Variants in NAGPA observed in about 807,000 individuals in gnomAD.
The protein encoded by NAGPA is N-acetylglucosamine-1-phosphodiester alpha-N-acetylglucosaminidase.
Under a neutral mutation model 48.5 loss-of-function variants are expected in NAGPA, and 56 were observed. The observed-to-expected ratio is 1.15, with a 90% CI of 0.93 to 1.44. The LOEUF (loss-of-function observed/expected upper bound fraction) is 1.44. NAGPA is among the 40% of genes most tolerant of loss of function. The pLI is 0.00. For missense variants in NAGPA, 888 were observed against 735.0 expected, an observed-to-expected ratio of 1.21 and a Z score of -2.41; for synonymous variants, 399 against 315.5, an observed-to-expected ratio of 1.26 and a Z score of -2.81.
chr16:5,027,092 G>C (rs1244965234), intron 9 of NAGPA, 43 bp downstream of exon 9: 31 of 1,606,360 alleles, frequency 1.9e-5, no homozygotes, highest in Non-Finnish European at 2.6e-5. Context: ...GAGAGAAGGG[G>C]GATTCCTCCC....
At chr16:5,027,469 C>T in intron 7 of NAGPA, 90 bp from the exon 8 acceptor site, 1 of 1,355,500 alleles carries the variant, frequency 7.4e-7, no homozygotes. Flanking sequence ...AGGATACCTG[C>T]CCCTGCCCAT....
At position 5,027,786 on chromosome 16, in the gene NAGPA, G is replaced by A. The variant is rs1012362652; in HGVS notation, c.1174+60C>T. ...AGGTGGAGACAGAAGCAGCAGAGGA[G>A]CAGTGGGGGCTGCCGGGGGCCACCG... On this transcript the variant is annotated intron_variant, in intron 7 of 9. Transcript: ENST00000312251. 1.2e-5 allele frequency: 19 copies of A among 1,544,972 alleles called. No individual in the cohort carries two copies. The African/African-American group carries it at 2.3e-4, about 19-fold the overall frequency.
intron 2 of NAGPA, among the ~76,000 whole-genome samples, chr16:5,032,085 G>A (rs1375442761): frequency 6.6e-6 from 1 of 152,094 alleles, no homozygotes; most frequent in African/African-American, 2.4e-5. Context: ...ACAGGGTTCT[G>A]ACAATACAAT....
At chr16:5,030,061 G>A (rs536534097) in intron 4 of NAGPA, 49 of 478,964 alleles carry the variant, frequency 1.0e-4, no homozygotes, top group South Asian at 1.0e-3. Context: ...ACTTGTCTAC[G>A]GCATAGGTGG....
rs1955972519 is a variant in NAGPA, at chr16:5,025,168, CAGG to C, written c.*307_*309del. The C allele has an allele frequency of 4.6e-6, 2 of 438,088 alleles. No homozygotes were observed. The highest frequency in any genetic ancestry group is 4.9e-5 in the South Asian group (2 of 41,184). 27.1% of individuals were successfully genotyped at this position (438,088 alleles called of 1,614,324 possible). A position where few individuals can be genotyped will look rare whatever the true frequency, so the allele number is the denominator to read the frequency against. ...TCTGGTTCGTTGGCAGCCCCTTCCC[CAGG>C]AGGAGGGAGACTCTTTGGCAGTGCG... is the stretch of plus-strand genomic sequence containing the variant. On this transcript the variant is annotated 3_prime_UTR_variant, in exon 10 of 10. Transcript: ENST00000312251.
chr16:5,025,227 C>A lies in NAGPA; in HGVS notation c.*251G>T. 1.8e-6 allele frequency: 1 copy of A among 564,456 alleles called. No individual in the cohort carries two copies. The highest frequency in any genetic ancestry group is 3.0e-5 in the East Asian group (1 of 33,054). 35.0% of individuals were successfully genotyped at this position (564,456 alleles called of 1,614,324 possible). ...CCTCCCGGGGGCACGGGCTTCTCGGCAGCAGACACAGGCAGGCCAGAAGCA... is the reference window on the plus strand; with the variant it reads ...CCTCCCGGGGGCACGGGCTTCTCGGAAGCAGACACAGGCAGGCCAGAAGCA... On this transcript the variant is annotated 3_prime_UTR_variant, in exon 10 of 10. Transcript: ENST00000312251.
Position 5,027,859 on chromosome 16 carries a change from G to A in NAGPA, c.1161C>T (p.Ser387=), listed in dbSNP as rs760501750. ...GGCAGCTCCTACCTTCACTGCAGTT[G>A]GACCCGGTCCATCCGGCATCACAGC... ...GCRCDAGWTG[S]NCSEECPLGW... The change falls in exon 7 of 10, where the codon TCC becomes TCT. Residue 387 remains serine (S), a synonymous_variant. Coordinates refer to ENST00000312251, the MANE Select transcript of NAGPA (RefSeq NM_016256.4). 3 of 1,566,114 alleles carry A rather than the reference G, an allele frequency of 1.9e-6. No homozygotes were observed. Among genetic ancestry groups the A allele is most frequent in the East Asian group, 4.8e-5 (2 of 41,788 alleles).
Position 5,028,166 on chromosome 16 carries a change from A to G in NAGPA, c.940T>C (p.Cys314Arg). ...SDHCQDNMWR[C>R]PRQVSTVVCV... The stretch of plus-strand genomic sequence containing the variant: ...ACCACGGTGGACACTTGGCGGGGAC[A>G]GCGCCACATGTTGTCCTGGCTGTAG... Residue 314 changes from cysteine to arginine, a missense_variant, in exon 6 of 10, where the codon TGT becomes CGT. Transcript: ENST00000312251. 6.4e-7 allele frequency: 1 copy of G among 1,569,982 alleles called. No individual in the cohort carries two copies. Among genetic ancestry groups the G allele is most frequent in the Non-Finnish European group, 8.6e-7 (1 of 1,157,146 alleles).
At chr16:5,028,833 G>A (rs1956049758) in intron 5 of NAGPA, 47 bp downstream of exon 5, 1 of 1,612,980 alleles carries the variant, frequency 6.2e-7, no homozygotes, top group East Asian at 2.2e-5. Context: ...ACAGGCTGGG[G>A]CAGACCTGGA....
At chr16:5,030,045 C>A in intron 4 of NAGPA, 1 of 448,800 alleles carries the variant, frequency 2.2e-6, no homozygotes, top group Non-Finnish European at 4.1e-6. Context: ...TCAGGGAGGC[C>A]GAGGGACTTG....
intron 4 of NAGPA, chr16:5,030,080 G>A (rs1345721393): frequency 7.8e-6 from 4 of 515,190 alleles, no homozygotes; most frequent in Non-Finnish European, 1.4e-5. Flanking sequence ...GGGTAGACAA[G>A]TCATCGATGG....
intron 7 of NAGPA, 39 bp from the exon 8 acceptor site, chr16:5,027,418 A>AAG: frequency 6.3e-7 from 1 of 1,592,876 alleles, no homozygotes; most frequent in Non-Finnish European, 8.6e-7. Context: ...AGGGAGGAGA[A>AAG]AGGTTGGGGC....
At chr16:5,028,553 GT>G (rs1956046166) in intron 5 of NAGPA, 1 of 562,406 alleles carries the variant, frequency 1.8e-6, no homozygotes, top group African/African-American at 1.9e-5. Flanking sequence ...TCTTTTATAG[GT>G]TCCTCCGCTC....
chr16:5,033,173 G>C lies in NAGPA; in HGVS notation c.542+100C>G. 7.3e-7 allele frequency: 1 copy of C among 1,366,840 alleles called. No homozygotes were observed. The highest frequency in any genetic ancestry group is 1.4e-5 in the African/African-American group (1 of 69,748). The allele number at this position is 1,366,840 out of a possible 1,614,324, so 84.7% of individuals were successfully genotyped here. A position where few individuals can be genotyped will look rare whatever the true frequency, so the allele number is the denominator to read the frequency against. ...TCCCCATTCTGCAGAGGAGGAAACA[G>C]GGGCTCAGCTTGGTTAAGTGACTTG... On this transcript the variant is annotated intron_variant, in intron 2 of 9. Coordinates refer to ENST00000312251, the MANE Select transcript of NAGPA (RefSeq NM_016256.4). This position sits in a 1 kb window ranked among gnomAD's most constrained non-coding sequence, Gnocchi z 4.2.
In NAGPA at chr16:5,028,181, C is replaced by A. The variant is rs766429170; in HGVS notation, c.925G>T (p.Asp309Tyr). Residue 309 changes from aspartate (D) to tyrosine (Y), a missense_variant, in exon 6 of 10, where the codon GAC (aspartate) becomes TAC (tyrosine). Transcript: ENST00000312251. ...LASYPSDHCQ[D>Y]NMWRCPRQVS... ...TGGCGGGGACAGCGCCACATGTTGT[C>A]CTGGCTGTAGAGGGATGTGATGTGT... is the stretch of plus-strand genomic sequence containing the variant. The A allele has an allele frequency of 3.7e-5, 58 of 1,559,344 alleles. No individual in the cohort carries two copies. Among genetic ancestry groups the A allele is most frequent in the Non-Finnish European group, 4.6e-5 (53 of 1,151,262 alleles).
Position 5,033,407 on chromosome 16 carries a change from C to T in NAGPA, c.408G>A (p.Gln136=). The T allele has an allele frequency of 1.9e-6, 3 of 1,596,892 alleles. No homozygotes were observed. The highest frequency in any genetic ancestry group is 2.5e-6 in the Non-Finnish European group (3 of 1,179,302). ...AGTTCATGCGGAAGAAGCCGCCGTT[C>T]TGGGCGACACGGCAGTCGGCCGCCC... ...TARAADCRVA[Q]NGGFFRMNSG... The change falls in exon 2 of 10, where the codon CAG becomes CAA. Residue 136 remains glutamine (Q), a synonymous_variant. Transcript: ENST00000312251. The surrounding 1 kb of genome is among the most constrained non-coding windows in gnomAD (Gnocchi z 4.2).
intron 5 of NAGPA, 153 bp from the exon 6 acceptor site, chr16:5,028,338 G>A (rs1022790924): frequency 4.9e-6 from 7 of 1,424,396 alleles, no homozygotes; most frequent in Middle Eastern, 1.7e-4. Context: ...GAGGTATTGC[G>A]ATCCTTCCAC....
chr16:5,031,936 T>TA (rs1956107021), intron 2 of NAGPA, 52 bp from the exon 3 acceptor site: 1 of 1,612,604 alleles, frequency 6.2e-7, no homozygotes, highest in Admixed American at 1.7e-5. Flanking sequence ...CAACTGCAGA[T>TA]AGTCAGGCTC....
Position 5,028,032 on chromosome 16 carries a change from A to G in NAGPA, c.1074T>C (p.Asp358=), listed in dbSNP as rs1195672542. ...TGHFWRGPGC[D]ELDCGPSNCS... is the part of the protein sequence containing the mutation. ...AGTTAGAGGGGCCACAGTCCAGCTC[A>G]TCACAGCCGGGACCCCGCCAGAAGT... Residue 358 remains aspartate (D), a synonymous_variant, in exon 6 of 10, where the codon GAT becomes GAC. Transcript: ENST00000312251. 18 of 1,610,982 alleles carry G rather than the reference A, an allele frequency of 1.1e-5. No individual in the cohort carries two copies. The Admixed American group carries it at 3.0e-4, about 27-fold the overall frequency.
Sources: gnomAD v4.1 joint callset for allele counts (sites outside exome capture counted in the v4.1 genomes callset) on GRCh38, gnomAD v4.1.1 for gene constraint, Gnocchi (gnomAD v3.1) non-coding constraint, MANE v1.5 for transcripts, NCBI Gene and HGNC (gene_info 2026-07-23, HGNC 2026-07-21) for gene names.